Variants in ABCC8 observed in about 807,000 individuals in gnomAD.
ABCC8 encodes ATP-binding cassette sub-family C member 8.
In ABCC8, 137 loss-of-function variants were observed where a neutral mutation model predicts 188.0. The ratio of observed to expected loss-of-function variants is 0.73; its 90% CI spans 0.63 to 0.84. The LOEUF is 0.84. ABCC8 is among the 40% of genes least tolerant of loss of function. The probability of loss-of-function intolerance (pLI) is 0.00; values close to 1 mark genes in which losing one functional copy is unlikely to be tolerated. For synonymous variants in ABCC8, 797 were observed against 846.5 expected (o/e 0.94, Z 1.01); for missense variants, 1,750 against 2,072.7 (o/e 0.84, Z 3.02).
chr11:17,423,446 G>A (rs188269659), intron 16 of ABCC8, among the ~76,000 whole-genome samples: 73 of 150,420 alleles, frequency 4.9e-4, no homozygotes, highest in Middle Eastern at 3.4e-3. Context: ...TACACTAGGC[G>A]CTCAACTGGG....
chr11:17,448,578 C>T lies in ABCC8; in HGVS notation c.1270G>A (p.Asp424Asn), dbSNP rs577545383. 1.5e-5 allele frequency: 24 copies of T among 1,614,158 alleles called. No individual in the cohort carries two copies. In the African/African-American group the frequency reaches 1.6e-4, roughly 11 times the overall value. The change falls in exon 8 of 39, where the codon GAC (aspartate) becomes AAC (asparagine). Residue 424 changes from aspartate to asparagine, a missense_variant. Physicochemically the swap from Asp to Asn is conservative, Grantham distance 23 (BLOSUM62 1). Coordinates refer to ENST00000389817, the MANE Select transcript of ABCC8 (RefSeq NM_000352.6). ...AGQICNLVAI[D>N]TNQLMWFFFL... ...AAAAACCACATGAGCTGATTGGTGT[C>T]GATGGCAACCAGATTACAGATCTGT...
chr11:17,424,906 C>T (rs1239716927), intron 16 of ABCC8, among the ~76,000 whole-genome samples: 1 of 152,202 alleles, frequency 6.6e-6, no homozygotes, highest in African/African-American at 2.4e-5. Flanking sequence ...ACAACACTCC[C>T]CTCCTAAACT....
intron 16 of ABCC8, among the ~76,000 whole-genome samples, chr11:17,426,043 C>T (rs1325485457): frequency 3.3e-5 from 5 of 152,294 alleles, no homozygotes; most frequent in Middle Eastern, 3.4e-3. Flanking sequence ...GCATAGTATT[C>T]CATGGTGTAT....
chr11:17,435,529 C>T (rs1956052715), intron 10 of ABCC8: 1 of 1,129,650 alleles, frequency 8.9e-7, no homozygotes. Flanking sequence ...ACAAGGTACT[C>T]TACTGCTCCA....
rs113666591 is a variant in ABCC8, at chr11:17,398,039, C to CCACAA, written c.3754-243_3754-242insTTGTG. Among the ~76,000 whole-genome samples, 694 of 152,326 alleles carry CCACAA rather than the reference C, an allele frequency of 4.6e-3. 6 individuals are homozygous for CCACAA. The highest frequency in any genetic ancestry group is 0.016 in the African/African-American group (657 of 41,566). Reference sequence around the variant, plus strand: ...CCTGCACACCCTTTAACATGCACGCCTCAGCTGGCCCACAAACACACACAA... The same window carrying CCACAA: ...CCTGCACACCCTTTAACATGCACGCCCACAATCAGCTGGCCCACAAACACACACAA... On this transcript the variant is annotated intron_variant, in intron 30 of 38. Coordinates refer to ENST00000389817, the MANE Select transcript of ABCC8 (RefSeq NM_000352.6).
chr11:17,415,112 G>C (rs1249540493), intron 18 of ABCC8, among the ~76,000 whole-genome samples, 192 bp downstream of exon 18: 1 of 151,466 alleles, frequency 6.6e-6, no homozygotes, highest in Non-Finnish European at 1.5e-5. Flanking sequence ...CTTATGTGAA[G>C]GGAGTAAATG....
At chr11:17,470,335 T>C (rs1848413883) in intron 2 of ABCC8, 113 bp from the exon 3 acceptor site, 3 of 1,557,182 alleles carry the variant, frequency 1.9e-6, no homozygotes, top group East Asian at 2.3e-5. Flanking sequence ...CATCACTTTA[T>C]AGGCTGCAGG....
chr11:17,406,309 G>T, intron 26 of ABCC8: 1 of 394,114 alleles, frequency 2.5e-6, no homozygotes, highest in Non-Finnish European at 4.6e-6. Context: ...TCATGGGTGG[G>T]GATGGGCAAA....
At chr11:17,431,059 G>C in intron 11 of ABCC8, 100 bp from the exon 12 acceptor site, 1 of 1,544,374 alleles carries the variant, frequency 6.5e-7, no homozygotes, top group Non-Finnish European at 8.8e-7. Context: ...AGGGCTGTCA[G>C]GGAGCAGGCT....
At chr11:17,431,085 T>G in intron 11 of ABCC8, 126 bp from the exon 12 acceptor site, 1 of 1,453,780 alleles carries the variant, frequency 6.9e-7, no homozygotes, top group Non-Finnish European at 9.3e-7. Context: ...GAGGATCTTT[T>G]AGTTGGAGAC....
chr11:17,398,276 G>A, intron 30 of ABCC8, 63 bp downstream of exon 30: 3 of 1,585,174 alleles, frequency 1.9e-6, no homozygotes, highest in Non-Finnish European at 2.6e-6. Context: ...CCAGGTACCT[G>A]TGTGCTCTTG....
intron 1 of ABCC8, among the ~76,000 whole-genome samples, chr11:17,475,886 G>T (rs1053420118): frequency 1.5e-4 from 23 of 152,166 alleles, no homozygotes; most frequent in Admixed American, 2.0e-4. Flanking sequence ...AGGTCTTGGA[G>T]AGAGATGGGG....
At chr11:17,410,757 G>C in intron 21 of ABCC8, 104 bp from the exon 22 acceptor site, 1 of 1,538,026 alleles carries the variant, frequency 6.5e-7, no homozygotes, top group East Asian at 2.3e-5. Flanking sequence ...CTCTGCTCTA[G>C]GGACTGAAGC....
chr11:17,456,207 G>C (rs1456629720), intron 6 of ABCC8, among the ~76,000 whole-genome samples: 1 of 152,176 alleles, frequency 6.6e-6, no homozygotes, highest in Non-Finnish European at 1.5e-5. Context: ...GGGAAGAATT[G>C]TGTTTGTTTC....
intron 7 of ABCC8, among the ~76,000 whole-genome samples, chr11:17,451,390 T>C (rs1025127224): frequency 6.6e-6 from 1 of 152,228 alleles, no homozygotes; most frequent in Non-Finnish European, 1.5e-5. Context: ...ATGACATCCC[T>C]GAGGAAATAC....
Position 17,463,512 on chromosome 11 carries a change from A to C in ABCC8, c.505T>G (p.Phe169Val), listed in dbSNP as rs1365256047. 3.1e-6 allele frequency: 5 copies of C among 1,601,626 alleles called. No homozygotes were observed. In the African/African-American group the frequency reaches 6.7e-5, roughly 21 times the overall value. ...ATCACCAGCAGCCCTGTGAGGCAGA[A>C]GCGTAGCTGCGAGAAGCCGATGGCG... ...DHAIGFSQLR[F>V]CLTGLLVILY... Residue 169 changes from phenylalanine (F) to valine (V), a missense_variant, in exon 4 of 39, where the codon TTC becomes GTC. Transcript: ENST00000389817.
At chr11:17,426,038 G>A (rs1441365761) in intron 16 of ABCC8, among the ~76,000 whole-genome samples, 1 of 152,202 alleles carries the variant, frequency 6.6e-6, no homozygotes, top group Non-Finnish European at 1.5e-5. Flanking sequence ...TGTCTGCATA[G>A]TATTCCATGG....
At chr11:17,431,070 C>T (rs1955826865) in intron 11 of ABCC8, 111 bp from the exon 12 acceptor site, 2 of 1,514,724 alleles carry the variant, frequency 1.3e-6, no homozygotes, top group Non-Finnish European at 8.9e-7. Flanking sequence ...GGAGCAGGCT[C>T]CTAAGAGGAT....
chr11:17,394,944 C>G (rs1285462871), intron 36 of ABCC8: 1 of 603,136 alleles, frequency 1.7e-6, no homozygotes. Flanking sequence ...CTGACTGTAC[C>G]CGCTGTACCC....
Sources: allele counts gnomAD v4.1 joint callset (sites outside exome capture counted in the v4.1 genomes callset), GRCh38; gene constraint gnomAD v4.1.1; transcripts MANE v1.5; gene names NCBI Gene and HGNC (gene_info 2026-07-23, HGNC 2026-07-21).